EYS: variants seen among roughly 807,000 people sequenced by gnomAD.
The protein encoded by EYS is EGF-like photoreceptor maintenance factor, also known as protein eyes shut homolog.
In EYS, 250 loss-of-function variants were observed where a neutral mutation model predicts 282.1. That is an observed-to-expected ratio of 0.89 (90% CI 0.80 to 0.98). The LOEUF (loss-of-function observed/expected upper bound fraction) is 0.98, where lower values mean the gene tolerates loss of function less well. Ranked by LOEUF, EYS falls within the 50% of genes least tolerant of loss-of-function variation. The pLI, the probability that EYS is intolerant of heterozygous loss-of-function variation, is 0.00. For missense variants in EYS, 4,016 were observed against 3,709.0 expected (o/e 1.08, Z -2.15); for synonymous variants, 1,355 against 1,282.9 (o/e 1.06, Z -1.20).
intron 35 of EYS, among the ~76,000 whole-genome samples, chr6:63,970,509 C>A (rs1766515527): frequency 1.3e-5 from 2 of 152,080 alleles, no homozygotes; most frequent in African/African-American, 4.8e-5. Flanking sequence ...GTGGCGGGTG[C>A]CTGTAGTCCC....
chr6:64,587,800 C>G (rs771917348), intron 26 of EYS, among the ~76,000 whole-genome samples: 1 of 151,808 alleles, frequency 6.6e-6, no homozygotes, highest in Non-Finnish European at 1.5e-5. Flanking sequence ...ACTATAGTAA[C>G]CAAGACAGTT....
At chr6:64,036,138 C>A (rs760868149) in intron 33 of EYS, among the ~76,000 whole-genome samples, 3 of 152,124 alleles carry the variant, frequency 2.0e-5, no homozygotes, top group Non-Finnish European at 2.9e-5. Flanking sequence ...CAACTTAGAT[C>A]TAGCTGGAGA....
intron 26 of EYS, among the ~76,000 whole-genome samples, chr6:64,463,195 C>T (rs4112813): frequency 0.26 from 39,171 of 151,840 alleles, 5,549 homozygotes; most frequent in East Asian, 0.36. Context: ...TGGTGATCTG[C>T]CCCTCTAGGC....
chr6:64,661,090 AC>A (rs1418934962), intron 22 of EYS, among the ~76,000 whole-genome samples: 1 of 152,200 alleles, frequency 6.6e-6, no homozygotes, highest in Non-Finnish European at 1.5e-5. Flanking sequence ...CCACATATCT[AC>A]AACCATCTGA....
At chr6:65,520,115 C>T (rs1377574732) in intron 2 of EYS, among the ~76,000 whole-genome samples, 1 of 151,864 alleles carries the variant, frequency 6.6e-6, no homozygotes, top group Non-Finnish European at 1.5e-5. Flanking sequence ...ACATATCACC[C>T]CCTCTGGCTA....
intron 12 of EYS, among the ~76,000 whole-genome samples, chr6:65,218,292 C>A (rs1459585662): frequency 6.6e-6 from 1 of 152,024 alleles, no homozygotes; most frequent in African/African-American, 2.4e-5. Flanking sequence ...ATACATAAGA[C>A]CAACTTCTAA....
At chr6:64,505,248 A>G (rs1485725995) in intron 26 of EYS, among the ~76,000 whole-genome samples, 2 of 152,120 alleles carry the variant, frequency 1.3e-5, no homozygotes, top group African/African-American at 4.8e-5. Context: ...TGCAATAATT[A>G]TATGTGTTCC....
At chr6:64,920,476 C>A (rs772663927) in intron 15 of EYS, among the ~76,000 whole-genome samples, 23 of 151,988 alleles carry the variant, frequency 1.5e-4, no homozygotes, top group Non-Finnish European at 2.9e-4. Context: ...AGTTTCTGAG[C>A]AAGTAAGTAT....
intron 8 of EYS, among the ~76,000 whole-genome samples, chr6:65,361,558 G>A (rs1764711241): frequency 6.7e-6 from 1 of 149,446 alleles, no homozygotes; most frequent in South Asian, 2.1e-4. Flanking sequence ...TCTGCCCACT[G>A]CAACAACCTC....
chr6:65,702,383 A>C (rs897776617), intron 1 of EYS, among the ~76,000 whole-genome samples: 3 of 152,218 alleles, frequency 2.0e-5, no homozygotes, highest in Admixed American at 2.0e-4. Flanking sequence ...CCAAGAAAAC[A>C]GATTAGCTTA....
chr6:65,501,462 A>C (rs2127277586), intron 2 of EYS, among the ~76,000 whole-genome samples: 1 of 152,038 alleles, frequency 6.6e-6, no homozygotes, highest in Admixed American at 6.6e-5. Flanking sequence ...GAAAAACTAC[A>C]TTTAAGAAAA....
At chr6:65,461,990 C>A (rs543695097) in intron 5 of EYS, among the ~76,000 whole-genome samples, 1 of 152,086 alleles carries the variant, frequency 6.6e-6, no homozygotes, top group Admixed American at 6.6e-5. Context: ...AAACATTAAT[C>A]GTATTCATGA....
chr6:65,127,742 G>A (rs1240846858), intron 12 of EYS, among the ~76,000 whole-genome samples: 1 of 151,982 alleles, frequency 6.6e-6, no homozygotes, highest in East Asian at 1.9e-4. Context: ...GGTCCCTTCA[G>A]TATCCATTTC....
At chr6:65,247,445 T>C (rs1471405127) in intron 12 of EYS, among the ~76,000 whole-genome samples, 1 of 152,116 alleles carries the variant, frequency 6.6e-6, no homozygotes, top group Non-Finnish European at 1.5e-5. Flanking sequence ...TTATTCCTAA[T>C]ATATAAATAT....
chr6:64,128,044 G>A (rs887794184), intron 31 of EYS, among the ~76,000 whole-genome samples: 1 of 152,000 alleles, frequency 6.6e-6, no homozygotes, highest in Non-Finnish European at 1.5e-5. Context: ...AGTCTCCTAG[G>A]TATGAGATCT....
intron 12 of EYS, among the ~76,000 whole-genome samples, chr6:65,091,735 C>T (rs911201157): frequency 1.3e-5 from 2 of 152,030 alleles, no homozygotes; most frequent in East Asian, 1.9e-4. Flanking sequence ...CAGTACAGCA[C>T]GACACAGCGG....
intron 14 of EYS, among the ~76,000 whole-genome samples, chr6:64,977,002 C>A (rs909747146): frequency 2.0e-5 from 3 of 151,850 alleles, no homozygotes; most frequent in African/African-American, 7.3e-5. Context: ...ATGTGATTTT[C>A]CTGTCTCAGC....
At chr6:65,021,906 T>G (rs540800473) in intron 13 of EYS, among the ~76,000 whole-genome samples, 1 of 152,076 alleles carries the variant, frequency 6.6e-6, no homozygotes, top group Non-Finnish European at 1.5e-5. Context: ...CTTTATAAAA[T>G]CATCACACCT....
intron 28 of EYS, among the ~76,000 whole-genome samples, chr6:64,420,737 T>G (rs1318212869): frequency 6.6e-6 from 1 of 152,168 alleles, no homozygotes; most frequent in Non-Finnish European, 1.5e-5. Context: ...CACAGATCTC[T>G]TGGGTAGGGA....
Sources: allele counts gnomAD v4.1 joint callset (sites outside exome capture counted in the v4.1 genomes callset), GRCh38; gene constraint gnomAD v4.1.1; transcripts MANE v1.5; gene names NCBI Gene and HGNC (gene_info 2026-07-23, HGNC 2026-07-21).